SLC25A6: variants seen among roughly 807,000 people sequenced by gnomAD.
The protein encoded by SLC25A6 is solute carrier family 25 member 6.
Under a neutral mutation model 25.7 loss-of-function variants are expected in SLC25A6, and 9 were observed. The observed-to-expected ratio is 0.35, with a 90% CI of 0.21 to 0.61. The LOEUF is 0.61. SLC25A6 is among the 20% of genes least tolerant of loss of function. SLC25A6 has a pLI of 0.76. For missense variants in SLC25A6, 404 were observed against 440.5 expected, an observed-to-expected ratio of 0.92 and a Z score of 0.74; for synonymous variants, 223 against 197.0, an observed-to-expected ratio of 1.13 and a Z score of -1.11.
chrX:1,390,577 C>CAA lies in SLC25A6; in HGVS notation c.112-852_112-851dup, dbSNP rs760342805. Among the ~76,000 whole-genome samples the CAA allele has an allele frequency of 8.2e-3, 930 of 113,476 alleles. 8 individuals are homozygous for CAA. Among genetic ancestry groups the CAA allele is most frequent in the Non-Finnish European group, 0.013 (697 of 54,490 alleles). 74.4% of individuals were successfully genotyped at this position (113,476 alleles called of 152,430 possible). On this transcript the variant is annotated intron_variant, in intron 1 of 3. Coordinates refer to ENST00000381401, the MANE Select transcript of SLC25A6 (RefSeq NM_001636.4). Reference sequence around the variant, plus strand: ...TGGGCGACAGGGAGAGACTCCATCTCAAAAAAAAAAAAAAAGGTTTTTTTA... The same window carrying CAA: ...TGGGCGACAGGGAGAGACTCCATCTCAAAAAAAAAAAAAAAAAGGTTTTTTTA...
At chrX:1,388,221 G>C (rs1211817346) in intron 2 of SLC25A6, among the ~76,000 whole-genome samples, 1 of 149,286 alleles carries the variant, frequency 6.7e-6, no homozygotes, top group Non-Finnish European at 1.5e-5. Flanking sequence ...AACCAGCCCT[G>C]CCCCACACCT....
intron 1 of SLC25A6, 79 bp from the exon 2 acceptor site, chrX:1,389,806 T>C (rs2089378141): frequency 6.4e-7 from 1 of 1,560,282 alleles, no homozygotes; most frequent in Non-Finnish European, 8.7e-7. Flanking sequence ...TGCATCCTTT[T>C]TTTGACACAA....
chrX:1,387,416 A>G lies in SLC25A6; in HGVS notation c.602T>C (p.Met201Thr), dbSNP rs778140696. ...GTGCGTGTTCTTGGGGTCGGGGAGC[A>G]TGCCTGCGCGGGAACGGCACGTCAC... ...YFGVYDTAKGMLPDPKNTHIV... is the reference protein window; with the variant it reads ...YFGVYDTAKGTLPDPKNTHIV... The change falls in exon 3 of 4, where the codon ATG (methionine) becomes ACG (threonine). Residue 201 changes from methionine to threonine, a missense_variant. By Grantham distance (81) the Met-to-Thr change is moderately conservative. Transcript: ENST00000381401. 1.1e-5 allele frequency: 17 copies of G among 1,612,636 alleles called. No individual in the cohort carries two copies. In the East Asian group the frequency reaches 2.7e-4, roughly 25 times the overall value.
At chrX:1,387,565 G>C (rs2089342226) in intron 2 of SLC25A6, 146 bp from the exon 3 acceptor site, 1 of 1,189,452 alleles carries the variant, frequency 8.4e-7, no homozygotes, top group South Asian at 1.4e-5. Flanking sequence ...GCTGCTCAGT[G>C]CCAGCTGACG....
chrX:1,386,810 A>T (rs368435975), intron 3 of SLC25A6, 51 bp from the exon 4 acceptor site: 1 of 1,575,934 alleles, frequency 6.3e-7, no homozygotes, highest in Admixed American at 1.8e-5. Flanking sequence ...TCTTCAAGAC[A>T]CGGACGCCAC....
Position 1,386,657 on chromosome X carries a change from C to T in SLC25A6, c.842G>A (p.Gly281Asp). ...GACCAGCACGAAGGCGCCCCCCATG[C>T]CCCGCAGGACGTTGGACCACGCACC... The part of the protein sequence containing the change: ...FKGAWSNVLR[G>D]MGGAFVLVLY... Residue 281 changes from glycine (G) to aspartate (D), a missense_variant, in exon 4 of 4, where the codon GGC becomes GAC. By Grantham distance (94) the Gly-to-Asp change is moderately conservative. Coordinates refer to ENST00000381401, the MANE Select transcript of SLC25A6 (RefSeq NM_001636.4). 1 of 1,606,252 alleles carries T rather than the reference C, an allele frequency of 6.2e-7. No homozygotes were observed. Among genetic ancestry groups the T allele is most frequent in the Non-Finnish European group, 8.5e-7 (1 of 1,176,214 alleles).
chrX:1,390,047 T>A, intron 1 of SLC25A6: 1 of 442,010 alleles, frequency 2.3e-6, no homozygotes, highest in Non-Finnish European at 4.1e-6. Context: ...GGTCTCATGC[T>A]GTTACCCGGG....
rs201852564 is a variant in SLC25A6, at chrX:1,387,270, C to T, written c.739+9G>A. 45 of 1,610,740 alleles carry T rather than the reference C, an allele frequency of 2.8e-5. 1 individual carries two copies. The highest frequency in any genetic ancestry group is 2.3e-4 in the African/African-American group (17 of 74,978). ...CCCGGCAGCAAGGGTCCCCCGCCCC[C>T]CCGAGTACCTCCTTTGCGCCCGGAC... On this transcript the variant is annotated intron_variant, in intron 3 of 3. Transcript: ENST00000381401.
chrX:1,386,981 TC>T (rs1482343256), intron 3 of SLC25A6, among the ~76,000 whole-genome samples: 1 of 151,660 alleles, frequency 6.6e-6, no homozygotes, highest in Non-Finnish European at 1.5e-5. Flanking sequence ...GCCCTGGGTG[TC>T]CCCCATCTCC....
At chrX:1,387,095 A>G (rs1345830338) in intron 3 of SLC25A6, among the ~76,000 whole-genome samples, 184 bp downstream of exon 3, 1 of 152,106 alleles carries the variant, frequency 6.6e-6, no homozygotes, top group Non-Finnish European at 1.5e-5. Flanking sequence ...ATGAAACCCC[A>G]AAAAGATCAG....
In SLC25A6 at chrX:1,386,313, C is replaced by T. The variant is rs1208168973; in HGVS notation, c.*289G>A. 7.8e-6 allele frequency: 3 copies of T among 384,470 alleles called. No individual in the cohort carries two copies. Among genetic ancestry groups the T allele is most frequent in the African/African-American group, 2.1e-5 (1 of 48,318 alleles). 23.8% of individuals were successfully genotyped at this position (384,470 alleles called of 1,614,324 possible). A position where few individuals can be genotyped will look rare whatever the true frequency, so the allele number is the denominator to read the frequency against. On this transcript the variant is annotated 3_prime_UTR_variant, in exon 4 of 4. Coordinates refer to ENST00000381401, the MANE Select transcript of SLC25A6 (RefSeq NM_001636.4). ...TACTTAGAACACGACTTGGCTCCTACAAGCATCTGGACTCTAGGTCTCAGT... is the reference window on the plus strand; with the variant it reads ...TACTTAGAACACGACTTGGCTCCTATAAGCATCTGGACTCTAGGTCTCAGT...
Position 1,386,487 on chromosome X carries a change from C to A in SLC25A6, c.*115G>T. The stretch of plus-strand genomic sequence containing the variant: ...CCGGCCATCTACAGGCAGGATGCGG[C>A]TGGGAAAAAGACAACTGGAATTTCT... On this transcript the variant is annotated 3_prime_UTR_variant, in exon 4 of 4. Transcript: ENST00000381401. The A allele has an allele frequency of 7.6e-7, 1 of 1,319,088 alleles. No individual in the cohort carries two copies. Among genetic ancestry groups the A allele is most frequent in the Admixed American group, 3.0e-5 (1 of 33,196 alleles). The allele number at this position is 1,319,088 out of a possible 1,614,324, so 81.7% of individuals were successfully genotyped here. A position where few individuals can be genotyped will look rare whatever the true frequency, so the allele number is the denominator to read the frequency against.
At chrX:1,388,377 A>G (rs1297772930) in intron 2 of SLC25A6, among the ~76,000 whole-genome samples, 177 of 151,426 alleles carry the variant, frequency 1.2e-3, no homozygotes, top group Middle Eastern at 3.4e-3. Context: ...AGACACACAC[A>G]GAGGGACGAC....
chrX:1,387,422 G>A lies in SLC25A6; in HGVS notation c.599-3C>T. ...GTTCTTGGGGTCGGGGAGCATGCCTGCGCGGGAACGGCACGTCACCGTCTC... is the reference window on the plus strand; with the variant it reads ...GTTCTTGGGGTCGGGGAGCATGCCTACGCGGGAACGGCACGTCACCGTCTC... On this transcript the variant is annotated splice_polypyrimidine_tract_variant and splice_region_variant and intron_variant, in intron 2 of 3. Coordinates refer to ENST00000381401, the MANE Select transcript of SLC25A6 (RefSeq NM_001636.4). 1.2e-6 allele frequency: 2 copies of A among 1,612,192 alleles called. No individual in the cohort carries two copies. Among genetic ancestry groups the A allele is most frequent in the Non-Finnish European group, 1.7e-6 (2 of 1,179,504 alleles).
chrX:1,389,349 T>A lies in SLC25A6; in HGVS notation c.490A>T (p.Ile164Phe), dbSNP rs1407773756. ...FRGLGDCLVK[I>F]TKSDGIRGLY... Reference sequence around the variant, plus strand: ...CCCCGGATGCCGTCGGACTTGGTGATCTTCACCAGGCAGTCTCCCAGGCCT... The same window carrying A: ...CCCCGGATGCCGTCGGACTTGGTGAACTTCACCAGGCAGTCTCCCAGGCCT... The change falls in exon 2 of 4, where the codon ATC becomes TTC. Residue 164 changes from isoleucine (I) to phenylalanine (F), a missense_variant. Coordinates refer to ENST00000381401, the MANE Select transcript of SLC25A6 (RefSeq NM_001636.4). 6.2e-7 allele frequency: 1 copy of A among 1,613,752 alleles called. No homozygotes were observed. Among genetic ancestry groups the A allele is most frequent in the Admixed American group, 1.7e-5 (1 of 60,008 alleles).
rs1452508296 is a variant in SLC25A6 at position 1,386,442 on chromosome X, C to A, written c.*160G>T. On this transcript the variant is annotated 3_prime_UTR_variant, in exon 4 of 4. Transcript: ENST00000381401. Reference sequence around the variant, plus strand: ...CTGCCGATGGTTGGATCGCAATGCGCCCCTTTTCTAGAGCCTTCCCCGGCC... The same window carrying A: ...CTGCCGATGGTTGGATCGCAATGCGACCCTTTTCTAGAGCCTTCCCCGGCC... The A allele has an allele frequency of 2.1e-6, 2 of 968,160 alleles. No homozygotes were observed. Among genetic ancestry groups the A allele is most frequent in the Non-Finnish European group, 1.4e-6 (1 of 690,762 alleles). 60.0% of individuals were successfully genotyped at this position (968,160 alleles called of 1,614,324 possible).
chrX:1,387,405 G>A lies in SLC25A6; in HGVS notation c.613C>T (p.Pro205Ser), dbSNP rs1193756264. ...CTCACCACGATGTGCGTGTTCTTGG[G>A]GTCGGGGAGCATGCCTGCGCGGGAA... ...YDTAKGMLPD[P>S]KNTHIVVSWM... is the part of the protein sequence containing the mutation. Residue 205 changes from proline (P) to serine (S), a missense_variant, in exon 3 of 4, where the codon CCC becomes TCC. Coordinates refer to ENST00000381401, the MANE Select transcript of SLC25A6 (RefSeq NM_001636.4). 8 of 1,612,918 alleles carry A rather than the reference G, an allele frequency of 5.0e-6. No homozygotes were observed. The highest frequency in any genetic ancestry group is 6.8e-6 in the Non-Finnish European group (8 of 1,179,690).
Position 1,386,456 on chromosome X carries a change from C to G in SLC25A6, c.*146G>C, listed in dbSNP as rs2089325213. The G allele has an allele frequency of 9.0e-7, 1 of 1,109,492 alleles. No individual in the cohort carries two copies. 68.7% of individuals were successfully genotyped at this position (1,109,492 alleles called of 1,614,324 possible). Reference sequence around the variant, plus strand: ...ATCGCAATGCGCCCCTTTTCTAGAGCCTTCCCCGGCCATCTACAGGCAGGA... The same window carrying G: ...ATCGCAATGCGCCCCTTTTCTAGAGGCTTCCCCGGCCATCTACAGGCAGGA... On this transcript the variant is annotated 3_prime_UTR_variant, in exon 4 of 4. Transcript: ENST00000381401.
intron 1 of SLC25A6, chrX:1,390,098 A>C (rs1462719357): frequency 3.5e-6 from 1 of 283,852 alleles, no homozygotes; most frequent in East Asian, 7.0e-5. Flanking sequence ...TGCAGCCTCC[A>C]ACTCCTGGAT....
Sources: gnomAD v4.1 joint callset for allele counts (sites outside exome capture counted in the v4.1 genomes callset) on GRCh38, gnomAD v4.1.1 for gene constraint, MANE v1.5 for transcripts, NCBI Gene and HGNC (gene_info 2026-07-23, HGNC 2026-07-21) for gene names.